Variants in NOS1AP observed in about 807,000 individuals in gnomAD.
The protein encoded by NOS1AP is carboxyl-terminal PDZ ligand of neuronal nitric oxide synthase protein.
A neutral mutation model predicts 56.2 loss-of-function variants in NOS1AP; 21 were observed. That is an observed-to-expected ratio of 0.37 (90% confidence interval 0.26 to 0.54). The LOEUF (loss-of-function observed/expected upper bound fraction) is 0.54, where lower values mean the gene tolerates loss of function less well. Among genes scored for constraint, NOS1AP ranks in the 20% least tolerant of loss-of-function variants. The probability of loss-of-function intolerance (pLI) is 0.84; values close to 1 mark genes in which losing one functional copy is unlikely to be tolerated. For missense variants in NOS1AP, 522 were observed against 657.8 expected (o/e 0.79, Z 2.26); for synonymous variants, 270 against 274.6 (o/e 0.98, Z 0.17).
chr1:162,237,467 A>G lies in NOS1AP; in HGVS notation c.178-49877A>G, dbSNP rs139690658. Among the ~76,000 whole-genome samples, 396 of 152,274 alleles carry G rather than the reference A, an allele frequency of 2.6e-3. 1 individual carries two copies. The highest frequency in any genetic ancestry group is 9.0e-3 in the African/African-American group (372 of 41,542). On this transcript the variant is annotated intron_variant, in intron 2 of 9. Coordinates refer to ENST00000361897, the MANE Select transcript of NOS1AP (RefSeq NM_014697.3). ...TTCTGTCTGTTTCTCAATTTTCCAC[A>G]GGGATTTTTGTGGGCATTAAGGCCC...
chr1:162,217,648 T>C (rs1229041275), intron 2 of NOS1AP, among the ~76,000 whole-genome samples: 1 of 152,050 alleles, frequency 6.6e-6, no homozygotes, highest in African/African-American at 2.4e-5. Context: ...CGAGGCAGAG[T>C]GAGAGTGTGG....
chr1:162,114,836 ACCTCTCC>A (rs2102044280), intron 1 of NOS1AP, among the ~76,000 whole-genome samples: 1 of 151,852 alleles, frequency 6.6e-6, no homozygotes, highest in Non-Finnish European at 1.5e-5. Flanking sequence ...CGTCTATGTG[ACCTCTCC>A]CCGTGACTAA....
chr1:162,364,246 C>G (rs1657993601), intron 8 of NOS1AP: 8 of 985,456 alleles, frequency 8.1e-6, no homozygotes, highest in Non-Finnish European at 9.6e-6. Context: ...CCCCACTCAC[C>G]TGGCTCTGTC....
At position 162,091,109 on chromosome 1, in the gene NOS1AP, C is replaced by G. The variant is rs115981898; in HGVS notation, c.105+20827C>G. Among the ~76,000 whole-genome samples, 1,458 of 152,252 alleles carry G rather than the reference C, an allele frequency of 9.6e-3. 22 individuals are homozygous for G. The highest frequency in any genetic ancestry group is 0.033 in the African/African-American group (1,384 of 41,546). ...AAATGTGGTAGTTCTGTTTCCATCT[C>G]TCTCTTTTACCTGAGCCTTCTCTTT... On this transcript the variant is annotated intron_variant, in intron 1 of 9. Transcript: ENST00000361897.
chr1:162,353,348 T>A (rs760025452), intron 6 of NOS1AP, among the ~76,000 whole-genome samples: 3 of 152,158 alleles, frequency 2.0e-5, no homozygotes, highest in Non-Finnish European at 4.4e-5. Context: ...CCTGCCTCTG[T>A]GCCTCTCTGC....
At chr1:162,084,645 G>A (rs555303450) in intron 1 of NOS1AP, among the ~76,000 whole-genome samples, 10 of 152,026 alleles carry the variant, frequency 6.6e-5, no homozygotes, top group East Asian at 3.9e-4. Flanking sequence ...TTCCCCACTC[G>A]GTTGGTGAGA....
intron 3 of NOS1AP, among the ~76,000 whole-genome samples, chr1:162,297,985 G>A (rs1655526344): frequency 6.6e-6 from 1 of 152,148 alleles, no homozygotes; most frequent in African/African-American, 2.4e-5. Flanking sequence ...ATGCCAGTGG[G>A]AACAGGCATA....
intron 1 of NOS1AP, among the ~76,000 whole-genome samples, chr1:162,115,854 C>T (rs1399780659): frequency 2.0e-5 from 3 of 152,112 alleles, no homozygotes; most frequent in Non-Finnish European, 2.9e-5. Flanking sequence ...AACTTATTAC[C>T]AAGATTGTCA....
At chr1:162,178,320 C>G (rs4409625) in intron 2 of NOS1AP, among the ~76,000 whole-genome samples, 78,950 of 151,528 alleles carry the variant, frequency 0.52, 22,485 homozygotes, top group East Asian at 0.76. Context: ...CTGTGAGCAG[C>G]TTTTTGTGTG....
chr1:162,164,908 C>T (rs192747012), intron 2 of NOS1AP, among the ~76,000 whole-genome samples: 167 of 152,264 alleles, frequency 1.1e-3, no homozygotes, highest in African/African-American at 3.8e-3. Context: ...TTCTCACTTA[C>T]GAAGCACTTT....
chr1:162,260,627 A>G (rs1387649297), intron 2 of NOS1AP, among the ~76,000 whole-genome samples: 1 of 152,210 alleles, frequency 6.6e-6, no homozygotes, highest in Non-Finnish European at 1.5e-5. Flanking sequence ...CTTAACTTAT[A>G]TATCCAAAGA....
intron 3 of NOS1AP, among the ~76,000 whole-genome samples, chr1:162,297,228 A>G (rs1486138393): frequency 6.6e-6 from 1 of 152,214 alleles, no homozygotes; most frequent in Non-Finnish European, 1.5e-5. Context: ...GTATTGGGTC[A>G]TTGGCTCCTC....
rs1448639757 is a variant in NOS1AP, at chr1:162,312,044, C to A, written c.344+11338C>A. ...TGTGAATAATGCCGCAATAAACATA[C>A]GTGTGCATGTGTCTTTATAGCAGCA... On this transcript the variant is annotated intron_variant, in intron 4 of 9. Transcript: ENST00000361897. Among the ~76,000 whole-genome samples the A allele has an allele frequency of 3.4e-5, 5 of 146,580 alleles. No individual in the cohort carries two copies. The Admixed American group carries it at 3.4e-4, about 10-fold the overall frequency.
intron 4 of NOS1AP, among the ~76,000 whole-genome samples, chr1:162,301,483 T>C (rs1210787564): frequency 6.6e-6 from 1 of 152,250 alleles, no homozygotes; most frequent in Non-Finnish European, 1.5e-5. Flanking sequence ...AGCCAGTTTC[T>C]GGTATTTTAT....
At chr1:162,112,504 C>A (rs958091163) in intron 1 of NOS1AP, among the ~76,000 whole-genome samples, 5 of 152,176 alleles carry the variant, frequency 3.3e-5, no homozygotes, top group African/African-American at 1.2e-4. Flanking sequence ...GGGATTAGAC[C>A]AATGGCTCCC....
Position 162,188,706 on chromosome 1 carries a change from A to C in NOS1AP, c.177+34230A>C, listed in dbSNP as rs1459994982. ...GAAGTGCAGTGAGTTTTGTTGAATG[A>C]TAACAGTGTAATAAATGTCTCTATT... On this transcript the variant is annotated intron_variant, in intron 2 of 9. Coordinates refer to ENST00000361897, the MANE Select transcript of NOS1AP (RefSeq NM_014697.3). This position sits in a 1 kb window ranked among gnomAD's most constrained non-coding sequence, Gnocchi z 4.0. Among the ~76,000 whole-genome samples, 2 of 152,238 alleles carry C rather than the reference A, an allele frequency of 1.3e-5. No individual in the cohort carries two copies. Among genetic ancestry groups the C allele is most frequent in the African/African-American group, 2.4e-5 (1 of 41,462 alleles).
chr1:162,243,953 C>G (rs1653579182), intron 2 of NOS1AP, among the ~76,000 whole-genome samples: 1 of 152,172 alleles, frequency 6.6e-6, no homozygotes. Context: ...GAGTGAGTCC[C>G]AGGTTCCCAC....
chr1:162,140,658 A>T (rs1277286234), intron 1 of NOS1AP, among the ~76,000 whole-genome samples: 1 of 152,228 alleles, frequency 6.6e-6, no homozygotes, highest in Non-Finnish European at 1.5e-5. Context: ...CTTTGGGTAT[A>T]TAACCAGTAA....
chr1:162,128,738 T>C (rs1648606244), intron 1 of NOS1AP, among the ~76,000 whole-genome samples: 2 of 151,880 alleles, frequency 1.3e-5, no homozygotes, highest in African/African-American at 4.8e-5. Flanking sequence ...TTTGTTAGCC[T>C]ATGAATTCTA....
Sources: gnomAD v4.1 joint callset for allele counts (sites outside exome capture counted in the v4.1 genomes callset) on GRCh38, gnomAD v4.1.1 for gene constraint, Gnocchi (gnomAD v3.1) non-coding constraint, MANE v1.5 for transcripts, NCBI Gene and HGNC (gene_info 2026-07-23, HGNC 2026-07-21) for gene names.